Variants in NECTIN2 observed in about 807,000 individuals in gnomAD.
The protein encoded by NECTIN2 is nectin-2.
A neutral mutation model predicts 56.9 loss-of-function variants in NECTIN2; 23 were observed. The observed-to-expected ratio is 0.40, with a 90% CI of 0.29 to 0.57. The LOEUF (loss-of-function observed/expected upper bound fraction) is 0.57, where lower values mean the gene tolerates loss of function less well. NECTIN2 is among the 20% of genes least tolerant of loss of function. The probability of loss-of-function intolerance (pLI) is 0.38; values close to 1 mark genes in which losing one functional copy is unlikely to be tolerated. For synonymous variants in NECTIN2, 302 were observed against 313.8 expected (o/e 0.96, Z 0.40); for missense variants, 587 against 718.3 (o/e 0.82, Z 2.09).
chr19:44,856,108 C>G (rs1390245844), intron 1 of NECTIN2, among the ~76,000 whole-genome samples: 1 of 152,166 alleles, frequency 6.6e-6, no homozygotes, highest in African/African-American at 2.4e-5. Context: ...CGAGGCCAGC[C>G]TGGCCAAGAT....
At chr19:44,882,129 G>A in intron 5 of NECTIN2, 82 bp from the exon 6 acceptor site, 1 of 1,244,280 alleles carries the variant, frequency 8.0e-7, no homozygotes, top group Middle Eastern at 3.1e-4. Flanking sequence ...GGCAGGCGAT[G>A]ATGTGGGGTG....
intron 1 of NECTIN2, among the ~76,000 whole-genome samples, chr19:44,857,908 T>C (rs1180201074): frequency 1.3e-5 from 2 of 152,170 alleles, no homozygotes; most frequent in Admixed American, 1.3e-4. Flanking sequence ...AGAATTTACA[T>C]TGAAACAGCA....
Position 44,846,368 on chromosome 19 carries a change from G to A in NECTIN2, c.-158G>A. 1 of 939,152 alleles carries A rather than the reference G, an allele frequency of 1.1e-6. No homozygotes were observed. Among genetic ancestry groups the A allele is most frequent in the East Asian group, 3.4e-5 (1 of 29,810 alleles). The allele number at this position is 939,152 out of a possible 1,614,324, so 58.2% of individuals were successfully genotyped here. On this transcript the variant is annotated 5_prime_UTR_variant, in exon 1 of 9. Coordinates refer to ENST00000252483, the MANE Select transcript of NECTIN2 (RefSeq NM_001042724.2). ...GGTGCCGAGCCGGGCGGGGAGAGCT[G>A]GGCCGGGAGAGCAGAACAGGGAGGC...
intron 6 of NECTIN2, 76 bp from the exon 7 acceptor site, chr19:44,885,861 C>A: frequency 1.6e-6 from 2 of 1,224,752 alleles, no homozygotes; most frequent in Non-Finnish European, 2.4e-6. Flanking sequence ...GTAGAGGGAA[C>A]AGCATGTGCC....
chr19:44,869,976 G>T (rs1186051644), intron 2 of NECTIN2, among the ~76,000 whole-genome samples: 1 of 152,076 alleles, frequency 6.6e-6, no homozygotes, highest in Non-Finnish European at 1.5e-5. Flanking sequence ...GAGAGAGAGA[G>T]ATAACCTCAA....
At chr19:44,878,680 C>A in intron 5 of NECTIN2, 20 of 1,534,908 alleles carry the variant, frequency 1.3e-5, no homozygotes, top group Non-Finnish European at 1.7e-5. Context: ...CTGACCACGC[C>A]GGCCTAGGGT....
intron 8 of NECTIN2, 121 bp from the exon 9 acceptor site, chr19:44,887,989 T>C: frequency 9.5e-7 from 1 of 1,050,088 alleles, no homozygotes. Context: ...GGACAAGGAG[T>C]GAGGTGGCAT....
chr19:44,854,975 G>T (rs1449870325), intron 1 of NECTIN2, among the ~76,000 whole-genome samples: 1 of 148,850 alleles, frequency 6.7e-6, no homozygotes, highest in Non-Finnish European at 1.5e-5. Context: ...AAAATTAGCC[G>T]GGCGTCGTGG....
chr19:44,887,175 C>T (rs899432210), intron 8 of NECTIN2, among the ~76,000 whole-genome samples: 1 of 151,400 alleles, frequency 6.6e-6, no homozygotes, highest in Non-Finnish European at 1.5e-5. Context: ...CAAGGTGAAA[C>T]CCCTTCTCTA....
chr19:44,884,926 C>T (rs1969343059), intron 6 of NECTIN2, among the ~76,000 whole-genome samples: 1 of 152,232 alleles, frequency 6.6e-6, no homozygotes, highest in Non-Finnish European at 1.5e-5. Flanking sequence ...ATTTACTGAA[C>T]TCCTCATAGT....
chr19:44,866,051 A>G (rs879872047), intron 2 of NECTIN2, among the ~76,000 whole-genome samples: 6 of 152,000 alleles, frequency 3.9e-5, no homozygotes, highest in Non-Finnish European at 8.8e-5. Context: ...CCGTGCCTAT[A>G]ATCCCAGATA....
Position 44,865,188 on chromosome 19 carries a change from G to A in NECTIN2, c.89-83G>A, listed in dbSNP as rs776544097. 1.4e-6 allele frequency: 2 copies of A among 1,427,910 alleles called. No individual in the cohort carries two copies. The highest frequency in any genetic ancestry group is 2.3e-5 in the East Asian group (1 of 43,064). The allele number at this position is 1,427,910 out of a possible 1,614,324, so 88.5% of individuals were successfully genotyped here. On this transcript the variant is annotated intron_variant, in intron 1 of 8. Coordinates refer to ENST00000252483, the MANE Select transcript of NECTIN2 (RefSeq NM_001042724.2). This position sits in a 1 kb window ranked among gnomAD's most constrained non-coding sequence, Gnocchi z 5.2. ...CATGCGGAGCCTGCATTTCCCGTGG[G>A]GCCCCCTTCGTGGTGGCCCTGCCTG...
In NECTIN2 at chr19:44,874,768, G is replaced by A. The variant is rs1356692814; in HGVS notation, c.1042+290G>A. 2.8e-6 allele frequency: 1 copy of A among 353,742 alleles called. No individual in the cohort carries two copies. The highest frequency in any genetic ancestry group is 2.0e-5 in the African/African-American group (1 of 48,874). The allele number at this position is 353,742 out of a possible 1,614,324, so 21.9% of individuals were successfully genotyped here. ...TAGGGTCCTCACGAATAGACCCGAG[G>A]AAGCTGCCCTGGGCTCCAGCTCCTG... On this transcript the variant is annotated intron_variant, in intron 5 of 8. Transcript: ENST00000252483. The surrounding 1 kb of genome is among the most constrained non-coding windows in gnomAD (Gnocchi z 6.3).
rs555555405 is a variant in NECTIN2 at position 44,859,417 on chromosome 19, C to T, written c.89-5854C>T. On this transcript the variant is annotated intron_variant, in intron 1 of 8. Coordinates refer to ENST00000252483, the MANE Select transcript of NECTIN2 (RefSeq NM_001042724.2). ...GCACAGAGAGGTTAAGTGGCCTGCA[C>T]AAGGTCGCAGAGCCAGGATTCAAAC... Among the ~76,000 whole-genome samples, 6 of 152,270 alleles carry T rather than the reference C, an allele frequency of 3.9e-5. No individual in the cohort carries two copies. In the East Asian group the frequency reaches 9.7e-4, roughly 24 times the overall value.
At chr19:44,859,695 C>T (rs951833620) in intron 1 of NECTIN2, among the ~76,000 whole-genome samples, 22 of 152,132 alleles carry the variant, frequency 1.4e-4, no homozygotes, top group South Asian at 4.2e-4. Context: ...CGTAGTGGCT[C>T]GCACCTGTAA....
intron 1 of NECTIN2, among the ~76,000 whole-genome samples, chr19:44,864,150 C>A (rs1368647247): frequency 1.4e-5 from 2 of 147,964 alleles, no homozygotes; most frequent in African/African-American, 2.5e-5. Context: ...GCCTGGGCAA[C>A]ATAGCGAGAC....
intron 1 of NECTIN2, among the ~76,000 whole-genome samples, chr19:44,855,705 T>G (rs919228888): frequency 9.9e-5 from 15 of 152,072 alleles, no homozygotes; most frequent in African/African-American, 3.6e-4. Context: ...AAGCACCTGA[T>G]TTGTCCTGTT....
At chr19:44,870,286 C>A (rs1036437037) in intron 2 of NECTIN2, among the ~76,000 whole-genome samples, 1 of 152,086 alleles carries the variant, frequency 6.6e-6, no homozygotes, top group Non-Finnish European at 1.5e-5. Flanking sequence ...CCCTGAGTCA[C>A]TATTCTAACA....
rs891374400 is a variant in NECTIN2, at chr19:44,865,717, C to A, written c.478+57C>A. On this transcript the variant is annotated intron_variant, in intron 2 of 8. Coordinates refer to ENST00000252483, the MANE Select transcript of NECTIN2 (RefSeq NM_001042724.2). The surrounding 1 kb of genome is among the most constrained non-coding windows in gnomAD (Gnocchi z 5.2). Reference sequence around the variant, plus strand: ...TGGGAGGGCCGCGGTGTGGGAGCATCCCCTTGCGGGTCAGTTTCTCTCTTG... The same window carrying A: ...TGGGAGGGCCGCGGTGTGGGAGCATACCCTTGCGGGTCAGTTTCTCTCTTG... 5 of 1,445,790 alleles carry A rather than the reference C, an allele frequency of 3.5e-6. No individual in the cohort carries two copies. The Admixed American group carries it at 9.7e-5, about 28-fold the overall frequency. The allele number at this position is 1,445,790 out of a possible 1,614,324, so 89.6% of individuals were successfully genotyped here.
Sources: gnomAD v4.1 joint callset for allele counts (sites outside exome capture counted in the v4.1 genomes callset) on GRCh38, gnomAD v4.1.1 for gene constraint, Gnocchi (gnomAD v3.1) non-coding constraint, MANE v1.5 for transcripts, NCBI Gene and HGNC (gene_info 2026-07-23, HGNC 2026-07-21) for gene names.